Variants in DOCK1 observed in about 807,000 individuals in gnomAD.
DOCK1 encodes the protein dedicator of cytokinesis protein 1.
Under a neutral mutation model 262.7 loss-of-function variants are expected in DOCK1, and 138 were observed. The observed-to-expected ratio is 0.53, with a 90% CI of 0.46 to 0.61. The LOEUF (loss-of-function observed/expected upper bound fraction) is 0.61. DOCK1 is among the 20% of genes least tolerant of loss of function. The pLI is 0.00. For synonymous variants in DOCK1, 866 were observed against 867.4 expected (o/e 1.00, Z 0.03); for missense variants, 1,908 against 2,370.7 (o/e 0.80, Z 4.05).
intron 29 of DOCK1, among the ~76,000 whole-genome samples, chr10:127,336,079 C>T (rs1233169773): frequency 1.3e-5 from 2 of 151,932 alleles, no homozygotes; most frequent in African/African-American, 4.8e-5. Context: ...TCTTGAACTC[C>T]TGACCTCAGG....
intron 25 of DOCK1, among the ~76,000 whole-genome samples, chr10:127,121,174 C>G (rs1460860575): frequency 1.3e-5 from 2 of 151,898 alleles, no homozygotes; most frequent in Admixed American, 6.6e-5. Context: ...GTGTTTGTTC[C>G]AGAGTATTCA....
chr10:127,047,164 G>T (rs1314731634), intron 21 of DOCK1, among the ~76,000 whole-genome samples: 1 of 147,470 alleles, frequency 6.8e-6, no homozygotes, highest in African/African-American at 2.5e-5. Context: ...CTTTTATTAT[G>T]TGTAAGCTAT....
At chr10:127,165,581 T>G (rs956549876) in intron 27 of DOCK1, among the ~76,000 whole-genome samples, 1 of 152,350 alleles carries the variant, frequency 6.6e-6, no homozygotes, top group Middle Eastern at 3.4e-3. Flanking sequence ...TAAGGTTTAT[T>G]TTTATATTGC....
intron 27 of DOCK1, among the ~76,000 whole-genome samples, chr10:127,184,320 C>CT (rs1053778037): frequency 3.3e-5 from 5 of 151,018 alleles, no homozygotes; most frequent in African/African-American, 1.2e-4. Context: ...CATTCCCCCC[C>CT]CAGTCTAATC....
intron 23 of DOCK1, among the ~76,000 whole-genome samples, chr10:127,102,318 T>C (rs1442130657): frequency 2.0e-5 from 3 of 152,174 alleles, no homozygotes; most frequent in Non-Finnish European, 2.9e-5. Context: ...CTTCATCAGG[T>C]TGCCATGGGG....
chr10:127,280,182 C>A (rs1052529096), intron 29 of DOCK1, among the ~76,000 whole-genome samples: 55 of 151,090 alleles, frequency 3.6e-4, no homozygotes, highest in African/African-American at 1.3e-3. Context: ...CTACAGGCAC[C>A]CGCCACCGCA....
intron 1 of DOCK1, among the ~76,000 whole-genome samples, chr10:126,911,804 T>C (rs2031808017): frequency 6.6e-6 from 1 of 152,170 alleles, no homozygotes; most frequent in Non-Finnish European, 1.5e-5. Context: ...TTTGGAAACA[T>C]TGTTATGCAA....
intron 27 of DOCK1, among the ~76,000 whole-genome samples, chr10:127,214,635 G>C (rs1050180730): frequency 2.0e-5 from 3 of 152,182 alleles, no homozygotes; most frequent in Admixed American, 6.5e-5. Flanking sequence ...AGGACAGCGT[G>C]TTAGATCCTG....
intron 27 of DOCK1, among the ~76,000 whole-genome samples, chr10:127,232,155 T>C (rs1590047486): frequency 6.6e-6 from 1 of 152,052 alleles, no homozygotes; most frequent in East Asian, 1.9e-4. Context: ...CTTTTAGTTC[T>C]GCATCTTGGT....
intron 29 of DOCK1, among the ~76,000 whole-genome samples, chr10:127,275,159 C>T (rs542207586): frequency 1.8e-4 from 28 of 152,194 alleles, no homozygotes; most frequent in Admixed American, 1.6e-3. Context: ...GAAGCCGACC[C>T]AGGCTAATGC....
intron 29 of DOCK1, among the ~76,000 whole-genome samples, chr10:127,264,485 A>G (rs1323283435): frequency 1.3e-5 from 2 of 152,348 alleles, no homozygotes; most frequent in African/African-American, 4.8e-5. Context: ...TTCATATAAC[A>G]TGAATATAAA....
chr10:127,077,110 G>T (rs968194420), intron 23 of DOCK1, among the ~76,000 whole-genome samples: 1 of 152,062 alleles, frequency 6.6e-6, no homozygotes, highest in African/African-American at 2.4e-5. Context: ...TTCTTACTAC[G>T]AGGGCCGAGC....
Position 127,081,975 on chromosome 10 carries a change from G to A in DOCK1, c.2445+20199G>A, listed in dbSNP as rs904336426. On this transcript the variant is annotated intron_variant, in intron 23 of 51. Coordinates refer to ENST00000623213, the MANE Select transcript of DOCK1 (RefSeq NM_001290223.2). ...TCATACATGTGGTGGTTCTTCACGC[G>A]AAAGCAGCTGACCTCAAAGAGGGTG... 7.2e-5 allele frequency among the ~76,000 whole-genome samples: 11 copies of A among 152,232 alleles called. No individual in the cohort carries two copies. The South Asian group carries it at 1.2e-3, about 17-fold the overall frequency.
At chr10:127,385,048 G>A (rs1022895255) in intron 38 of DOCK1, 139 bp downstream of exon 38, 2 of 1,115,626 alleles carry the variant, frequency 1.8e-6, no homozygotes, top group Non-Finnish European at 2.4e-6. Context: ...TTTTATGCAT[G>A]TTCCTTCAGC....
At chr10:127,291,991 T>C (rs943836873) in intron 29 of DOCK1, among the ~76,000 whole-genome samples, 2 of 152,154 alleles carry the variant, frequency 1.3e-5, no homozygotes. Context: ...AGAGCAGGTA[T>C]CTGTGGCTTG....
intron 31 of DOCK1, among the ~76,000 whole-genome samples, chr10:127,353,460 C>T (rs2063986050): frequency 6.6e-6 from 1 of 152,210 alleles, no homozygotes; most frequent in Admixed American, 6.5e-5. Flanking sequence ...AGTCCAGTAG[C>T]TTTGCTGCCT....
chr10:127,395,426 C>G (rs139103960), intron 38 of DOCK1, among the ~76,000 whole-genome samples: 1 of 152,158 alleles, frequency 6.6e-6, no homozygotes, highest in South Asian at 2.1e-4. Flanking sequence ...TAATCACCTT[C>G]GAAGGCCTCA....
At chr10:127,361,335 C>T (rs1478979839) in intron 32 of DOCK1, among the ~76,000 whole-genome samples, 2 of 151,968 alleles carry the variant, frequency 1.3e-5, no homozygotes, top group Non-Finnish European at 2.9e-5. Flanking sequence ...AGGATGGTCT[C>T]GATCTCCTGA....
At chr10:127,440,167 GT>G (rs2070005131) in intron 49 of DOCK1, among the ~76,000 whole-genome samples, 1 of 108,110 alleles carries the variant, frequency 9.2e-6, no homozygotes, top group Non-Finnish European at 1.8e-5. Flanking sequence ...TGGGTGGGGG[GT>G]GGGGGGTGTG....
Sources: allele counts gnomAD v4.1 joint callset (sites outside exome capture counted in the v4.1 genomes callset), GRCh38; gene constraint gnomAD v4.1.1; transcripts MANE v1.5; gene names NCBI Gene and HGNC (gene_info 2026-07-23, HGNC 2026-07-21).